The following ANTXR2 variants were observed in gnomAD, a reference collection of about 807,000 sequenced individuals.
ANTXR2 encodes the protein anthrax toxin receptor 2.
A neutral mutation model predicts 73.7 loss-of-function variants in ANTXR2; 44 were observed. The ratio of observed to expected loss-of-function variants is 0.60; its 90% CI spans 0.47 to 0.77. The LOEUF is 0.77. Ranked by LOEUF, ANTXR2 falls within the 30% of genes least tolerant of loss-of-function variation. ANTXR2 has a pLI of 0.00. For missense variants in ANTXR2, 604 were observed against 592.5 expected, an observed-to-expected ratio of 1.02 and a Z score of -0.20; for synonymous variants, 217 against 205.9, an observed-to-expected ratio of 1.05 and a Z score of -0.46.
chr4:80,001,814 T>A (rs1360993465), intron 12 of ANTXR2, among the ~76,000 whole-genome samples: 1 of 151,334 alleles, frequency 6.6e-6, no homozygotes, highest in Non-Finnish European at 1.5e-5. Context: ...TGGCCTTCTT[T>A]GTCTCTTTTG....
intron 16 of ANTXR2, among the ~76,000 whole-genome samples, chr4:79,911,975 TAAC>T (rs1220193760): frequency 4.6e-5 from 7 of 151,982 alleles, no homozygotes; most frequent in Non-Finnish European, 7.4e-5. Flanking sequence ...ACTTTAACAA[TAAC>T]AACATTTAGT....
chr4:79,918,681 G>A (rs761732531), intron 16 of ANTXR2, among the ~76,000 whole-genome samples: 3 of 152,042 alleles, frequency 2.0e-5, no homozygotes, highest in Non-Finnish European at 2.9e-5. Flanking sequence ...CTTTTAACAA[G>A]TGCGAAAAGT....
At chr4:79,975,400 T>C (rs1729583747) in intron 16 of ANTXR2, among the ~76,000 whole-genome samples, 1 of 152,208 alleles carries the variant, frequency 6.6e-6, no homozygotes, top group Non-Finnish European at 1.5e-5. Flanking sequence ...ATGCCATTGC[T>C]TTTACATATT....
intron 7 of ANTXR2, among the ~76,000 whole-genome samples, chr4:80,038,848 T>C (rs1252842432): frequency 6.6e-6 from 1 of 151,940 alleles, no homozygotes; most frequent in Non-Finnish European, 1.5e-5. Flanking sequence ...TTGTTTTATT[T>C]ATAAAAAAAA....
intron 10 of ANTXR2, among the ~76,000 whole-genome samples, chr4:80,026,968 G>T (rs1447119327): frequency 1.3e-5 from 2 of 152,078 alleles, no homozygotes; most frequent in African/African-American, 2.4e-5. Flanking sequence ...GATATAATTT[G>T]AAAACAGTGC....
At chr4:79,919,920 T>TAA (rs56403433) in intron 16 of ANTXR2, among the ~76,000 whole-genome samples, 40 of 14,984 alleles carry the variant, frequency 2.7e-3, no homozygotes, top group African/African-American at 9.7e-3. Flanking sequence ...TATATATATA[T>TAA]AAAAAATGAT....
intron 16 of ANTXR2, among the ~76,000 whole-genome samples, chr4:79,955,988 T>C (rs1010325576): frequency 2.0e-5 from 3 of 152,174 alleles, no homozygotes; most frequent in African/African-American, 7.2e-5. Context: ...AGCTAGTTCA[T>C]CCCTCTTGTG....
chr4:80,019,164 C>G (rs1041376435), intron 10 of ANTXR2, among the ~76,000 whole-genome samples, 188 bp from the exon 11 acceptor site: 2 of 152,048 alleles, frequency 1.3e-5, no homozygotes, highest in Non-Finnish European at 2.9e-5. Context: ...CATGAGCCAC[C>G]GTGCCCAGCA....
intron 16 of ANTXR2, among the ~76,000 whole-genome samples, chr4:79,909,987 A>G (rs1032735034): frequency 1.3e-5 from 2 of 152,194 alleles, no homozygotes. Flanking sequence ...GAAAGATAAC[A>G]GTGGTTAAAT....
intron 16 of ANTXR2, among the ~76,000 whole-genome samples, chr4:79,946,689 T>C (rs1403223573): frequency 2.0e-5 from 3 of 152,174 alleles, no homozygotes; most frequent in Admixed American, 1.3e-4. Flanking sequence ...ACTACAGTTA[T>C]ATTGTATCAA....
At chr4:79,987,319 A>G (rs539476176) in intron 12 of ANTXR2, among the ~76,000 whole-genome samples, 8 of 152,226 alleles carry the variant, frequency 5.3e-5, no homozygotes, top group Non-Finnish European at 1.0e-4. Flanking sequence ...AAAATTTGCT[A>G]TAAGACTTTT....
chr4:79,976,548 T>G lies in ANTXR2; in HGVS notation c.1428+1073A>C, dbSNP rs557015343. ...CACACCTTTTCTAGAAATGTCTGCATGATCCACCCCTTAATTTTCATATAA... is the reference window on the plus strand; with the variant it reads ...CACACCTTTTCTAGAAATGTCTGCAGGATCCACCCCTTAATTTTCATATAA... On this transcript the variant is annotated intron_variant, in intron 16 of 16. Transcript: ENST00000403729. 4.6e-5 allele frequency among the ~76,000 whole-genome samples: 7 copies of G among 152,356 alleles called. No homozygotes were observed. The East Asian group carries it at 1.4e-3, about 29-fold the overall frequency.
intron 3 of ANTXR2, among the ~76,000 whole-genome samples, chr4:80,061,060 G>C (rs993692084): frequency 5.9e-5 from 9 of 152,106 alleles, no homozygotes; most frequent in Non-Finnish European, 1.3e-4. Flanking sequence ...CACATGGCTA[G>C]GTTGGGCTTC....
At chr4:80,050,239 C>G (rs1170180341) in intron 7 of ANTXR2, among the ~76,000 whole-genome samples, 1 of 151,726 alleles carries the variant, frequency 6.6e-6, no homozygotes, top group East Asian at 1.9e-4. Context: ...AAGTTGTTGG[C>G]TAGGTCCTGA....
At chr4:80,043,327 T>G (rs1320145866) in intron 7 of ANTXR2, among the ~76,000 whole-genome samples, 1 of 152,026 alleles carries the variant, frequency 6.6e-6, no homozygotes, top group Non-Finnish European at 1.5e-5. Context: ...GCAATAACAG[T>G]CACTATCCTT....
At chr4:80,072,094 CTG>C (rs1027882015) in intron 1 of ANTXR2, among the ~76,000 whole-genome samples, 8 of 152,116 alleles carry the variant, frequency 5.3e-5, no homozygotes, top group South Asian at 2.1e-4. Flanking sequence ...GGTAAGGACT[CTG>C]TGGCCGATGG....
chr4:80,009,443 T>C (rs760659456), intron 11 of ANTXR2, among the ~76,000 whole-genome samples: 4 of 152,232 alleles, frequency 2.6e-5, no homozygotes, highest in Non-Finnish European at 5.9e-5. Context: ...TTATGAATTT[T>C]GTGATTATTT....
At chr4:80,072,221 C>G (rs144492702) in intron 1 of ANTXR2, among the ~76,000 whole-genome samples, 188 bp downstream of exon 1, 20 of 152,268 alleles carry the variant, frequency 1.3e-4, no homozygotes, top group South Asian at 4.1e-4. Flanking sequence ...ATCACTACCC[C>G]CGACCCGGCT....
intron 16 of ANTXR2, among the ~76,000 whole-genome samples, chr4:79,931,247 A>T (rs562941548): frequency 3.0e-4 from 46 of 152,332 alleles, no homozygotes; most frequent in African/African-American, 1.0e-3. Context: ...GTTTGGTTTT[A>T]GCTTCTTTTG....
Sources: allele counts gnomAD v4.1 joint callset (sites outside exome capture counted in the v4.1 genomes callset), GRCh38; gene constraint gnomAD v4.1.1; transcripts MANE v1.5; gene names NCBI Gene and HGNC (gene_info 2026-07-23, HGNC 2026-07-21).